CTNND2: variants seen among roughly 807,000 people sequenced by gnomAD.
CTNND2 encodes catenin delta 2.
CTNND2 carries 22 observed loss-of-function variants against 144.4 expected under a neutral mutation model. The ratio of observed to expected loss-of-function variants is 0.15; its 90% confidence interval spans 0.11 to 0.22. CTNND2 has a LOEUF of 0.22. Among genes scored for constraint, CTNND2 ranks in the 10% least tolerant of loss-of-function variants. The probability of loss-of-function intolerance (pLI) is 1.00; values close to 1 mark genes in which losing one functional copy is unlikely to be tolerated. For missense variants in CTNND2, 1,353 were observed against 1,618.8 expected (o/e 0.84, Z 2.82); for synonymous variants, 751 against 695.6 (o/e 1.08, Z -1.25).
intron 2 of CTNND2, among the ~76,000 whole-genome samples, chr5:11,641,507 A>T (rs541164058): frequency 6.6e-6 from 1 of 151,596 alleles, no homozygotes; most frequent in East Asian, 2.0e-4. Context: ...ATACACGTAT[A>T]TGTACATGCA....
At chr5:11,445,085 G>C (rs1764684093) in intron 3 of CTNND2, among the ~76,000 whole-genome samples, 1 of 152,166 alleles carries the variant, frequency 6.6e-6, no homozygotes, top group Middle Eastern at 3.2e-3. Flanking sequence ...GCATTCTGGA[G>C]GCTTGAAGTC....
intron 3 of CTNND2, among the ~76,000 whole-genome samples, chr5:11,557,136 C>G (rs929019657): frequency 6.6e-6 from 1 of 152,068 alleles, no homozygotes; most frequent in Admixed American, 6.6e-5. Flanking sequence ...AATAATTCAG[C>G]TTTTTGTAAT....
At chr5:11,606,024 C>T (rs1012380651) in intron 2 of CTNND2, among the ~76,000 whole-genome samples, 6 of 152,080 alleles carry the variant, frequency 3.9e-5, no homozygotes, top group Non-Finnish European at 7.4e-5. Flanking sequence ...TCCAGCTGTA[C>T]CCAGTACTGT....
At chr5:11,729,928 A>C (rs114370847) in intron 2 of CTNND2, among the ~76,000 whole-genome samples, 1 of 152,110 alleles carries the variant, frequency 6.6e-6, no homozygotes. Context: ...TATGTCCCCA[A>C]TGGGTGCATT....
At chr5:11,434,326 T>C (rs1763567555) in intron 3 of CTNND2, among the ~76,000 whole-genome samples, 1 of 152,176 alleles carries the variant, frequency 6.6e-6, no homozygotes, top group Non-Finnish European at 1.5e-5. Flanking sequence ...TGGTTGCCTT[T>C]GAGAGAATAA....
rs576597837 is a variant in CTNND2, at chr5:11,179,864, C to G, written c.1975+19584G>C. Reference sequence around the variant, plus strand: ...TTTGGTTTGGTGCTTATTACATTAACCTTTTAATATTTCCTTCTCAACCTA... The same window carrying G: ...TTTGGTTTGGTGCTTATTACATTAAGCTTTTAATATTTCCTTCTCAACCTA... On this transcript the variant is annotated intron_variant, in intron 11 of 21. Coordinates refer to ENST00000304623, the MANE Select transcript of CTNND2 (RefSeq NM_001332.4). 2.0e-5 allele frequency among the ~76,000 whole-genome samples: 3 copies of G among 152,326 alleles called. No individual in the cohort carries two copies. The South Asian group carries it at 6.2e-4, about 32-fold the overall frequency.
chr5:11,295,343 A>T (rs1748806583), intron 9 of CTNND2, among the ~76,000 whole-genome samples: 1 of 152,206 alleles, frequency 6.6e-6, no homozygotes, highest in Admixed American at 6.5e-5. Flanking sequence ...GGATACAAAC[A>T]AATGGAAGAA....
intron 1 of CTNND2, among the ~76,000 whole-genome samples, chr5:11,742,171 C>A (rs1315087523): frequency 6.6e-6 from 1 of 152,050 alleles, no homozygotes; most frequent in Non-Finnish European, 1.5e-5. Flanking sequence ...ATGTAACCAA[C>A]CACCACCTGT....
At chr5:11,523,452 A>G (rs1374209229) in intron 3 of CTNND2, among the ~76,000 whole-genome samples, 1 of 152,192 alleles carries the variant, frequency 6.6e-6, no homozygotes, top group Non-Finnish European at 1.5e-5. Context: ...TCCTGCACTC[A>G]GAAGCCTCCA....
intron 3 of CTNND2, among the ~76,000 whole-genome samples, chr5:11,464,114 T>C (rs1766455684): frequency 1.3e-5 from 2 of 152,220 alleles, no homozygotes; most frequent in African/African-American, 2.4e-5. Context: ...CATTCATTCA[T>C]CTGATATTTA....
intron 1 of CTNND2, among the ~76,000 whole-genome samples, chr5:11,814,435 T>C (rs1792517013): frequency 6.6e-6 from 1 of 152,242 alleles, no homozygotes; most frequent in Admixed American, 6.5e-5. Flanking sequence ...TGTAATAGAC[T>C]GCTGGTTTAA....
intron 1 of CTNND2, among the ~76,000 whole-genome samples, chr5:11,890,866 C>A (rs1736902490): frequency 6.6e-6 from 1 of 152,102 alleles, no homozygotes; most frequent in Admixed American, 6.5e-5. Flanking sequence ...AACCCAGGGA[C>A]AGAGAGGGGA....
At chr5:11,865,059 C>T (rs372902515) in intron 1 of CTNND2, among the ~76,000 whole-genome samples, 3 of 152,088 alleles carry the variant, frequency 2.0e-5, no homozygotes, top group African/African-American at 7.2e-5. Flanking sequence ...CCACGCCTGG[C>T]TAATTTTGTA....
intron 16 of CTNND2, among the ~76,000 whole-genome samples, chr5:11,036,286 T>C (rs1169657447): frequency 6.6e-6 from 1 of 152,174 alleles, no homozygotes; most frequent in Non-Finnish European, 1.5e-5. Flanking sequence ...CGTTTTATTA[T>C]AAATATTATC....
At chr5:11,083,836 C>A in intron 15 of CTNND2, 1 of 1,055,880 alleles carries the variant, frequency 9.5e-7, no homozygotes, top group Non-Finnish European at 1.2e-6. Context: ...GCCACCTCCA[C>A]CCCCCTTCCC....
intron 10 of CTNND2, among the ~76,000 whole-genome samples, chr5:11,230,513 C>A (rs1313471022): frequency 6.6e-6 from 1 of 152,146 alleles, no homozygotes; most frequent in Non-Finnish European, 1.5e-5. Flanking sequence ...ATCTAGGAGA[C>A]AGTGTAGATG....
At chr5:11,620,829 T>C (rs1444814339) in intron 2 of CTNND2, among the ~76,000 whole-genome samples, 3 of 152,208 alleles carry the variant, frequency 2.0e-5, no homozygotes, top group Non-Finnish European at 4.4e-5. Context: ...CAGGTGACAC[T>C]TAGCCTAGTG....
intron 3 of CTNND2, among the ~76,000 whole-genome samples, chr5:11,523,444 C>T (rs1772940945): frequency 6.6e-6 from 1 of 152,252 alleles, no homozygotes; most frequent in South Asian, 2.1e-4. Flanking sequence ...TCCTAAATTC[C>T]TGCACTCAGA....
At chr5:11,380,855 C>A (rs750710416) in intron 7 of CTNND2, among the ~76,000 whole-genome samples, 1 of 152,210 alleles carries the variant, frequency 6.6e-6, no homozygotes, top group Non-Finnish European at 1.5e-5. Flanking sequence ...TATAGCGAAA[C>A]AAGAAAAACT....
Sources: gnomAD v4.1 joint callset for allele counts (sites outside exome capture counted in the v4.1 genomes callset) on GRCh38, gnomAD v4.1.1 for gene constraint, MANE v1.5 for transcripts, NCBI Gene and HGNC (gene_info 2026-07-23, HGNC 2026-07-21) for gene names.